Variants in RTL9 observed in about 807,000 individuals in gnomAD.
RTL9 encodes the protein retrotransposon Gag like 9.
A neutral mutation model predicts 44.7 loss-of-function variants in RTL9; 19 were observed. That is an observed-to-expected ratio of 0.42 (90% CI 0.30 to 0.62). RTL9 has a LOEUF of 0.62. RTL9 is among the 20% of genes least tolerant of loss of function. RTL9 has a pLI of 0.16. For missense variants in RTL9, 1,105 were observed against 1,080.6 expected (o/e 1.02, Z -0.32); for synonymous variants, 407 against 398.9 (o/e 1.02, Z -0.24).
At chrX:110,451,800 T>G in exon 1 of RTL9, 10 of 1,211,596 alleles carry the variant, frequency 8.3e-6, no homozygotes, top group Non-Finnish European at 1.1e-5. Context: ...AGCAACAGCC[T>G]CTGGGGTGAT....
At chrX:110,424,237 C>T (rs1286530586) in intron 1 of RTL9, among the ~76,000 whole-genome samples, 2 of 111,613 alleles carry the variant, frequency 1.8e-5, no homozygotes, top group Non-Finnish European at 3.8e-5. Context: ...ATTGTGGGCC[C>T]GTCACAGCTC....
rs1489846294 is a variant in RTL9 at position 110,392,235 on chromosome X, G to C, written c.-168+33319G>C. Among the ~76,000 whole-genome samples, 13 of 105,918 alleles carry C rather than the reference G, an allele frequency of 1.2e-4. No individual in the cohort carries two copies. The Admixed American group carries it at 1.3e-3, about 11-fold the overall frequency. 92.0% of individuals were successfully genotyped at this position (105,918 alleles called of 115,157 possible). ...AGAAAATGGGTCCAGAACCCAAAATGTAGTGAAAGATTTAAATGCTCAAAT... is the reference window on the plus strand; with the variant it reads ...AGAAAATGGGTCCAGAACCCAAAATCTAGTGAAAGATTTAAATGCTCAAAT... On this transcript the variant is annotated intron_variant, in intron 1 of 2. Transcript: ENST00000520821.
chrX:110,410,125 C>G (rs1312080468), intron 1 of RTL9, among the ~76,000 whole-genome samples: 1 of 111,680 alleles, frequency 9.0e-6, no homozygotes, highest in Non-Finnish European at 1.9e-5. Flanking sequence ...CCAGCTGAGT[C>G]ACCGACAGGG....
At chrX:110,453,055 C>T (rs377361878) in exon 1 of RTL9, 1 of 1,209,901 alleles carries the variant, frequency 8.3e-7, no homozygotes, top group African/African-American at 1.8e-5. Context: ...CTGAGATCCC[C>T]AGCTTATGGA....
chrX:110,422,592 G>A (rs956438109), intron 1 of RTL9, among the ~76,000 whole-genome samples: 1 of 112,434 alleles, frequency 8.9e-6, no homozygotes, highest in Non-Finnish European at 1.9e-5. Flanking sequence ...TTTTCACATC[G>A]CAAATGTAAC....
Position 110,452,615 on chromosome X carries a change from G to T in RTL9, c.1998G>T (p.Leu666Phe), listed in dbSNP as rs766159376. The T allele has an allele frequency of 2.5e-6, 3 of 1,209,769 alleles. No individual in the cohort carries two copies. The Admixed American group carries it at 6.5e-5, about 26-fold the overall frequency. The stretch of plus-strand genomic sequence containing the variant: ...TGACAGACACAGCCTCTGGAGGGTT[G>T]TCTGCATCGCTAATGAGAGACACAG... Residue 666 changes from leucine to phenylalanine, a missense_variant, in exon 1 of 2, where the codon TTG (leucine) becomes TTT (phenylalanine). Transcript: ENST00000540313.
intron 1 of RTL9, among the ~76,000 whole-genome samples, chrX:110,392,046 C>T (rs1356923242): frequency 8.9e-6 from 1 of 112,142 alleles, no homozygotes; most frequent in Admixed American, 9.4e-5. Context: ...GTATATTTTA[C>T]ATTCTCATGA....
Position 110,452,827 on chromosome X carries a change from AGTCCATGACC to A in RTL9, c.2212_2221del (p.Ser738LeufsTer6). 8.3e-7 allele frequency: 1 copy of A among 1,210,723 alleles called. No homozygotes were observed. The highest frequency in any genetic ancestry group is 1.1e-6 in the Non-Finnish European group (1 of 895,168). On this transcript the variant is annotated frameshift_variant, in exon 1 of 2. Transcript: ENST00000540313. LOFTEE classifies it high-confidence loss of function. ...GGAGGGATGTCCATGTCGCCCATGA[AGTCCATGACC>A]GCTGGAGGGATGCAGATGAATTCCC... is the stretch of plus-strand genomic sequence containing the variant.
exon 2 of RTL9, chrX:110,456,012 T>C (rs1442412640): frequency 1.8e-5 from 2 of 112,742 alleles, no homozygotes; most frequent in African/African-American, 3.2e-5. Flanking sequence ...TCTGACCTCT[T>C]GATCTGTTGT....
exon 1 of RTL9, chrX:110,452,495 G>A (rs779828998): frequency 1.7e-6 from 2 of 1,211,309 alleles, no homozygotes; most frequent in Non-Finnish European, 2.2e-6. Context: ...CCTCAGGAAC[G>A]ATGTTCACGG....
At chrX:110,454,522 A>G (rs772474953) in exon 1 of RTL9, 1 of 1,210,442 alleles carries the variant, frequency 8.3e-7, no homozygotes, top group East Asian at 3.0e-5. Context: ...GAGCTGATAG[A>G]CAGGTCTCTG....
chrX:110,417,225 G>A (rs1421888838), upstream of RTL9, among the ~76,000 whole-genome samples: 1 of 112,034 alleles, frequency 8.9e-6, no homozygotes. Context: ...AGACAATGGC[G>A]GCTGCTCAGC....
chrX:110,363,036 G>A (rs1291175707), intron 1 of RTL9, among the ~76,000 whole-genome samples: 1 of 111,918 alleles, frequency 8.9e-6, no homozygotes, highest in Non-Finnish European at 1.9e-5. Context: ...CAACTCCAGA[G>A]CCAAGATTTA....
At chrX:110,361,994 C>T (rs2068266927) in intron 1 of RTL9, among the ~76,000 whole-genome samples, 1 of 112,003 alleles carries the variant, frequency 8.9e-6, no homozygotes, top group Non-Finnish European at 1.9e-5. Context: ...GTACTGACCC[C>T]TGCTAGAATG....
In RTL9 at chrX:110,422,102, A is replaced by C. The variant is rs768811834; in HGVS notation, c.-168+2967A>C. ...TGGCTGGGATCAAATCAGAGAACAC[A>C]CCCAGACTTGGCATAGTGCCTGGCA... On this transcript the variant is annotated intron_variant, in intron 1 of 3. Coordinates refer to the RTL9 transcript ENST00000465301. Among the ~76,000 whole-genome samples, 229 of 113,107 alleles carry C rather than the reference A, an allele frequency of 2.0e-3. 1 individual carries two copies. Among genetic ancestry groups the C allele is most frequent in the Admixed American group, 9.3e-4 (10 of 10,762 alleles).
upstream of RTL9, among the ~76,000 whole-genome samples, chrX:110,445,780 G>A (rs996435460): frequency 5.4e-5 from 6 of 112,149 alleles, no homozygotes; most frequent in Admixed American, 1.9e-4. Flanking sequence ...TGAGGCGGCA[G>A]GAGCATGACA....
rs187214126 is a variant in RTL9, at chrX:110,375,876, T to C, written c.-168+16960T>C. ...ACATCAGAATCTGTGTTCTGAACCA[T>C]GTTCTGTCATTTGCATTCAATGTGC... is the stretch of plus-strand genomic sequence containing the variant. On this transcript the variant is annotated intron_variant, in intron 1 of 2. Transcript: ENST00000520821. 1.9e-4 allele frequency among the ~76,000 whole-genome samples: 21 copies of C among 111,819 alleles called. No individual in the cohort carries two copies. The East Asian group carries it at 5.4e-3, about 29-fold the overall frequency.
intron 1 of RTL9, among the ~76,000 whole-genome samples, chrX:110,359,585 T>G (rs968989997): frequency 9.0e-6 from 1 of 111,648 alleles, no homozygotes; most frequent in African/African-American, 3.3e-5. Flanking sequence ...AATCTAATGT[T>G]CTTGTCCATT....
chrX:110,369,124 G>A lies in RTL9; in HGVS notation c.-168+10208G>A, dbSNP rs1229295599. 7.2e-5 allele frequency among the ~76,000 whole-genome samples: 8 copies of A among 111,680 alleles called. No homozygotes were observed. The South Asian group carries it at 2.7e-3, about 37-fold the overall frequency. On this transcript the variant is annotated intron_variant, in intron 1 of 2. Coordinates refer to the RTL9 transcript ENST00000520821. ...GAGGTGGGCAGATCAGGAAGTCAGG[G>A]AATTGAGACCATCCTGGCTAACACA... is the stretch of plus-strand genomic sequence containing the variant.
Sources: gnomAD v4.1 joint callset for allele counts (sites outside exome capture counted in the v4.1 genomes callset) on GRCh38, gnomAD v4.1.1 for gene constraint, MANE v1.5 for transcripts, NCBI Gene and HGNC (gene_info 2026-07-23, HGNC 2026-07-21) for gene names.